Variants in GAPDHS observed in about 807,000 individuals in gnomAD.
The protein encoded by GAPDHS is glyceraldehyde-3-phosphate dehydrogenase, testis-specific.
A neutral mutation model predicts 48.7 loss-of-function variants in GAPDHS; 42 were observed. That is an observed-to-expected ratio of 0.86 (90% CI 0.67 to 1.12). The LOEUF (loss-of-function observed/expected upper bound fraction) is 1.12. Among genes scored for constraint, GAPDHS ranks in the 50% most tolerant of loss-of-function variants. The pLI is 0.00. For synonymous variants in GAPDHS, 166 were observed against 219.1 expected (o/e 0.76, Z 2.14); for missense variants, 512 against 557.7 (o/e 0.92, Z 0.82).
At chr19:35,535,772 A>ATTT (rs35758620) in intron 1 of GAPDHS, among the ~76,000 whole-genome samples, 1 of 129,680 alleles carries the variant, frequency 7.7e-6, no homozygotes, top group East Asian at 2.4e-4. Context: ...TCCTCAGGTG[A>ATTT]TTTTTTTTTT....
Position 35,543,439 on chromosome 19 carries a change from G to A in GAPDHS, c.841G>A (p.Ala281Thr). Residue 281 changes from alanine to threonine, a missense_variant, in exon 8 of 11, where the codon GCC becomes ACC. Physicochemically the swap from Ala to Thr is moderately conservative, Grantham distance 58 (BLOSUM62 0). Coordinates refer to ENST00000222286, the MANE Select transcript of GAPDHS (RefSeq NM_014364.5). ...GRGAHQNIIP[A>T]STGAAKAVTK... Reference sequence around the variant, plus strand: ...GGGTGCCCACCAGAACATCATCCCAGCCTCCACTGGGGCTGCGAAAGCTGT... The same window carrying A: ...GGGTGCCCACCAGAACATCATCCCAACCTCCACTGGGGCTGCGAAAGCTGT... 1 of 1,609,894 alleles carries A rather than the reference G, an allele frequency of 6.2e-7. No individual in the cohort carries two copies. Among genetic ancestry groups the A allele is most frequent in the Non-Finnish European group, 8.5e-7 (1 of 1,178,834 alleles).
intron 4 of GAPDHS, chr19:35,540,844 C>T (rs2071497036): frequency 2.0e-5 from 3 of 151,620 alleles, no homozygotes; most frequent in Admixed American, 2.0e-4. Context: ...AAAAAAAAAA[C>T]ACGAGGCCAG....
intron 1 of GAPDHS, among the ~76,000 whole-genome samples, chr19:35,535,225 T>G (rs1314293139): frequency 6.6e-6 from 1 of 152,200 alleles, no homozygotes; most frequent in African/African-American, 2.4e-5. Flanking sequence ...CTCAGGCGGC[T>G]GCTACCTCCA....
chr19:35,538,057 A>G (rs1210603942), intron 2 of GAPDHS, among the ~76,000 whole-genome samples: 1 of 149,988 alleles, frequency 6.7e-6, no homozygotes, highest in East Asian at 2.0e-4. Flanking sequence ...GCCTGGGCGA[A>G]AGAGCTGGAT....
In GAPDHS at chr19:35,542,584, A is replaced by T; in HGVS notation, c.635A>T (p.Asn212Ile). The T allele has an allele frequency of 6.2e-7, 1 of 1,611,858 alleles. No individual in the cohort carries two copies. Among genetic ancestry groups the T allele is most frequent in the South Asian group, 1.1e-5 (1 of 91,008 alleles). Reference protein sequence around the residue: ...FVMGVNENDYNPGSMNIVSNA... With the variant: ...FVMGVNENDYIPGSMNIVSNA... The stretch of plus-strand genomic sequence containing the variant: ...ATGGGTGTCAATGAAAATGACTATA[A>T]CCCTGGCTCCATGAACATTGTGAGG... The change falls in exon 6 of 11, where the codon AAC becomes ATC. Residue 212 changes from asparagine (N) to isoleucine (I), a missense_variant. Asn to Ile is a moderately radical substitution (Grantham distance 149). Transcript: ENST00000222286.
chr19:35,544,943 C>G lies in GAPDHS; in HGVS notation c.1091C>G (p.Ser364Trp), dbSNP rs1022280988. ...ACGGACTTCCTCGGTGATACCCACT[C>G]GTCCATCTTCGATGCTAAGGCCGGC... The part of the protein sequence containing the change: ...VSTDFLGDTH[S>W]SIFDAKAGIA... The change falls in exon 10 of 11, where the codon TCG becomes TGG. Residue 364 changes from serine to tryptophan, a missense_variant. Physicochemically the swap from Ser to Trp is radical, Grantham distance 177 (BLOSUM62 -3). Transcript: ENST00000222286. 1 of 1,613,388 alleles carries G rather than the reference C, an allele frequency of 6.2e-7. No individual in the cohort carries two copies. Among genetic ancestry groups the G allele is most frequent in the Non-Finnish European group, 8.5e-7 (1 of 1,179,386 alleles).
chr19:35,539,433 G>A (rs994345480), intron 4 of GAPDHS, among the ~76,000 whole-genome samples: 11 of 152,188 alleles, frequency 7.2e-5, no homozygotes, highest in Non-Finnish European at 1.3e-4. Context: ...CGAGAGAAGG[G>A]CTACATTCAG....
intron 9 of GAPDHS, 197 bp downstream of exon 9, chr19:35,544,024 C>T (rs2071526214): frequency 3.0e-6 from 3 of 995,442 alleles, no homozygotes; most frequent in Non-Finnish European, 4.2e-6. Context: ...TACAGTCTGT[C>T]CTTACTTCCT....
chr19:35,543,454 G>T lies in GAPDHS; in HGVS notation c.856G>T (p.Ala286Ser), dbSNP rs779425793. The T allele has an allele frequency of 8.7e-6, 14 of 1,606,436 alleles. No homozygotes were observed. In the East Asian group the frequency reaches 2.9e-4, roughly 33 times the overall value. Reference protein sequence around the residue: ...QNIIPASTGAAKAVTKVIPEL... With the variant: ...QNIIPASTGASKAVTKVIPEL... Reference sequence around the variant, plus strand: ...CATCATCCCAGCCTCCACTGGGGCTGCGAAAGCTGTGACCAAAGTCATCCC... The same window carrying T: ...CATCATCCCAGCCTCCACTGGGGCTTCGAAAGCTGTGACCAAAGTCATCCC... The change falls in exon 8 of 11, where the codon GCG (alanine) becomes TCG (serine). Residue 286 changes from alanine to serine, a missense_variant. Transcript: ENST00000222286.
In GAPDHS at chr19:35,545,237, C is replaced by A; in HGVS notation, c.*67C>A. On this transcript the variant is annotated 3_prime_UTR_variant, in exon 11 of 11. Transcript: ENST00000222286. The stretch of plus-strand genomic sequence containing the variant: ...GAACATGTGCCTCCCGTTCCAGCAT[C>A]TGGCTGCCCGGGGGAGGAAGGACAC... 1.5e-6 allele frequency: 2 copies of A among 1,362,044 alleles called. No homozygotes were observed. The highest frequency in any genetic ancestry group is 2.1e-6 in the Non-Finnish European group (2 of 951,520). The allele number at this position is 1,362,044 out of a possible 1,614,324, so 84.4% of individuals were successfully genotyped here.
At chr19:35,541,138 C>CTT (rs1223741991) in intron 4 of GAPDHS, 5 of 152,018 alleles carry the variant, frequency 3.3e-5, no homozygotes, top group African/African-American at 1.2e-4. Context: ...GAGTGAGACT[C>CTT]TGTCTCAAAA....
chr19:35,535,937 T>C (rs1468014695), intron 1 of GAPDHS, among the ~76,000 whole-genome samples: 2 of 151,556 alleles, frequency 1.3e-5, no homozygotes, highest in African/African-American at 4.8e-5. Context: ...AACAGGTTTC[T>C]CCATGTTGGC....
At chr19:35,545,066 C>G in intron 10 of GAPDHS, 32 bp from the exon 11 acceptor site, 1 of 1,608,022 alleles carries the variant, frequency 6.2e-7, no homozygotes, top group Non-Finnish European at 8.5e-7. Context: ...TCGGAAGGAA[C>G]CCCCTTGAAC....
chr19:35,537,659 C>T (rs1223309426), intron 2 of GAPDHS, among the ~76,000 whole-genome samples: 1 of 152,158 alleles, frequency 6.6e-6, no homozygotes, highest in South Asian at 2.1e-4. Flanking sequence ...GTAGGAGAAT[C>T]CTTTGAGACC....
In GAPDHS at chr19:35,542,349, T is replaced by C. The variant is rs748176141; in HGVS notation, c.480T>C (p.Ala160=). 2 of 1,612,900 alleles carry C rather than the reference T, an allele frequency of 1.2e-6. No homozygotes were observed. The highest frequency in any genetic ancestry group is 1.7e-5 in the Admixed American group (1 of 60,020). ...AGCCCAAACAGATCCCCTGGAGGGC[T>C]GTCGGGAGCCCCTACGTGGTGGAGT... The part of the protein sequence containing the change: ...CKEPKQIPWR[A]VGSPYVVEST... Residue 160 remains alanine, a synonymous_variant, in exon 5 of 11, where the codon GCT becomes GCC. Transcript: ENST00000222286.
At chr19:35,535,407 T>C (rs2071459126) in intron 1 of GAPDHS, among the ~76,000 whole-genome samples, 2 of 151,962 alleles carry the variant, frequency 1.3e-5, no homozygotes, top group Admixed American at 1.3e-4. Flanking sequence ...TTTTGGGAGA[T>C]GGAGTTTCGC....
chr19:35,536,095 T>C (rs1053139384), intron 1 of GAPDHS, among the ~76,000 whole-genome samples: 1 of 152,110 alleles, frequency 6.6e-6, no homozygotes, highest in African/African-American at 2.4e-5. Context: ...AAATCAATTA[T>C]TGGACAAATT....
Position 35,538,354 on chromosome 19 carries a change from G to A in GAPDHS, c.293G>A (p.Gly98Asp). Residue 98 changes from glycine (G) to aspartate (D), a missense_variant, in exon 3 of 11, where the codon GGT (glycine) becomes GAT (aspartate). Transcript: ENST00000222286. ...GTCCTGCGCGCCTGCATGGAGAAGGGTGTTAAGGTGGTGGCTGTGAATGAT... is the reference window on the plus strand; with the variant it reads ...GTCCTGCGCGCCTGCATGGAGAAGGATGTTAAGGTGGTGGCTGTGAATGAT... Reference protein sequence around the residue: ...RLVLRACMEKGVKVVAVNDPF... With the variant: ...RLVLRACMEKDVKVVAVNDPF... 1 of 1,613,440 alleles carries A rather than the reference G, an allele frequency of 6.2e-7. No homozygotes were observed. Among genetic ancestry groups the A allele is most frequent in the East Asian group, 2.2e-5 (1 of 44,852 alleles).
intron 1 of GAPDHS, 137 bp from the exon 2 acceptor site, chr19:35,536,676 G>A (rs2071467949): frequency 3.1e-6 from 2 of 645,516 alleles, no homozygotes; most frequent in Non-Finnish European, 5.5e-6. Context: ...TGTAGAGAAA[G>A]TGGGTTTGGG....
Sources: allele counts gnomAD v4.1 joint callset (sites outside exome capture counted in the v4.1 genomes callset), GRCh38; gene constraint gnomAD v4.1.1; transcripts MANE v1.5; gene names NCBI Gene and HGNC (gene_info 2026-07-23, HGNC 2026-07-21).